Variants in PCDHGA8 observed in about 807,000 individuals in gnomAD.
PCDHGA8 encodes protocadherin gamma-A8.
Under a neutral mutation model 59.2 loss-of-function variants are expected in PCDHGA8, and 45 were observed. The ratio of observed to expected loss-of-function variants is 0.76; its 90% CI spans 0.60 to 0.98. PCDHGA8 has a LOEUF of 0.98. PCDHGA8 is among the 50% of genes least tolerant of loss of function. The probability of loss-of-function intolerance (pLI) is 0.00; values close to 1 mark genes in which losing one functional copy is unlikely to be tolerated. For synonymous variants in PCDHGA8, 531 were observed against 519.0 expected (o/e 1.02, Z -0.32); for missense variants, 1,257 against 1,196.2 (o/e 1.05, Z -0.75).
chr5:141,427,704 G>C (rs2097059746), intron 1 of PCDHGA8: 2 of 966,116 alleles, frequency 2.1e-6, no homozygotes, highest in Non-Finnish European at 3.2e-6. Context: ...ACAAGTCAGC[G>C]CCTCTGACCT....
rs1036344847 is a variant in PCDHGA8 at position 141,424,050 on chromosome 5, C to G, written c.2424+28813C>G. 9.9e-6 allele frequency: 10 copies of G among 1,014,084 alleles called. No homozygotes were observed. The African/African-American group carries it at 1.6e-4, about 16-fold the overall frequency. The allele number at this position is 1,014,084 out of a possible 1,614,324, so 62.8% of individuals were successfully genotyped here. A position where few individuals can be genotyped will look rare whatever the true frequency, so the allele number is the denominator to read the frequency against. ...ACTTTTTATTTCCATTTCAATTTTG[C>G]TGTGCCTTCACTGATTTGTAGTTAT... On this transcript the variant is annotated intron_variant, in intron 1 of 3. Coordinates refer to ENST00000398604, the MANE Select transcript of PCDHGA8 (RefSeq NM_032088.2).
chr5:141,471,214 A>C (rs757487718), intron 1 of PCDHGA8: 2 of 149,606 alleles, frequency 1.3e-5, no homozygotes, highest in Non-Finnish European at 3.0e-5. Context: ...CATGCCTGGC[A>C]ATTTTTTTGT....
chr5:141,496,146 G>T (rs749790409), intron 2 of PCDHGA8, among the ~76,000 whole-genome samples: 1 of 151,170 alleles, frequency 6.6e-6, no homozygotes, highest in South Asian at 2.1e-4. Flanking sequence ...GCCTTTGATC[G>T]CAGCTCTCCA....
chr5:141,430,763 A>C, intron 1 of PCDHGA8: 1 of 1,506,248 alleles, frequency 6.6e-7, no homozygotes, highest in Non-Finnish European at 8.9e-7. Flanking sequence ...GATAAGAATG[A>C]TTCCTGCGCG....
chr5:141,404,579 A>G (rs1390358900), intron 1 of PCDHGA8: 1 of 1,614,002 alleles, frequency 6.2e-7, no homozygotes, highest in Non-Finnish European at 8.5e-7. Flanking sequence ...CCCACCACTT[A>G]GCAGCAATGT....
chr5:141,400,175 A>G (rs374505357), intron 1 of PCDHGA8: 1 of 1,613,918 alleles, frequency 6.2e-7, no homozygotes, highest in Non-Finnish European at 8.5e-7. Flanking sequence ...CCCCAGGCTG[A>G]GCTGCAGTTT....
At chr5:141,452,951 G>A (rs1397204185) in intron 1 of PCDHGA8, among the ~76,000 whole-genome samples, 1 of 152,154 alleles carries the variant, frequency 6.6e-6, no homozygotes, top group Admixed American at 6.6e-5. Context: ...GCAATTGGTT[G>A]TCTTTAAACT....
At chr5:141,401,548 G>T (rs1291544476) in intron 1 of PCDHGA8, among the ~76,000 whole-genome samples, 1 of 152,162 alleles carries the variant, frequency 6.6e-6, no homozygotes, top group Non-Finnish European at 1.5e-5. Context: ...AAAAGGAAAT[G>T]CTATTGCCTG....
chr5:141,478,576 G>C (rs543160289), intron 1 of PCDHGA8: 3 of 1,585,598 alleles, frequency 1.9e-6, no homozygotes, highest in Middle Eastern at 3.3e-4. Flanking sequence ...GCTTGACCCT[G>C]TTAGTGCTTT....
chr5:141,423,169 C>T (rs747206648), intron 1 of PCDHGA8: 4 of 1,613,460 alleles, frequency 2.5e-6, no homozygotes, highest in Admixed American at 3.3e-5. Flanking sequence ...GGTGGCCGTC[C>T]AGGACCACGG....
At chr5:141,408,205 G>A (rs1222360149) in intron 1 of PCDHGA8, 2 of 1,551,762 alleles carry the variant, frequency 1.3e-6, no homozygotes, top group Non-Finnish European at 1.7e-6. Context: ...AGCGAACGAT[G>A]GGAGGGAGCT....
chr5:141,401,458 A>T (rs1470076616), intron 1 of PCDHGA8, among the ~76,000 whole-genome samples: 1 of 152,186 alleles, frequency 6.6e-6, no homozygotes, highest in Non-Finnish European at 1.5e-5. Context: ...CATCCAAATA[A>T]TTTTCTAAGT....
intron 3 of PCDHGA8, among the ~76,000 whole-genome samples, 153 bp from the exon 4 acceptor site, chr5:141,510,790 GAAGA>G (rs982513431): frequency 6.6e-5 from 10 of 152,264 alleles, no homozygotes; most frequent in African/African-American, 2.4e-4. Context: ...CAACTCTTGT[GAAGA>G]GAGACTACCT....
chr5:141,489,084 C>A lies in PCDHGA8; in HGVS notation c.2425-5723C>A. On this transcript the variant is annotated intron_variant, in intron 1 of 3. Coordinates refer to ENST00000398604, the MANE Select transcript of PCDHGA8 (RefSeq NM_032088.2). The surrounding 1 kb of genome is among the most constrained non-coding windows in gnomAD (Gnocchi z 4.5). Reference sequence around the variant, plus strand: ...CTCCCCCCTGCCCACCCCCGCCACTCGGTGACTAAGAACTGCTGCAAGCAG... The same window carrying A: ...CTCCCCCCTGCCCACCCCCGCCACTAGGTGACTAAGAACTGCTGCAAGCAG... The A allele has an allele frequency of 9.1e-6, 3 of 329,124 alleles. No homozygotes were observed. The highest frequency in any genetic ancestry group is 1.1e-5 in the Non-Finnish European group (2 of 186,464). The allele number at this position is 329,124 out of a possible 1,614,324, so 20.4% of individuals were successfully genotyped here. A position where few individuals can be genotyped will look rare whatever the true frequency, so the allele number is the denominator to read the frequency against.
rs534845593 is a variant in PCDHGA8, at chr5:141,478,216, G to A, written c.2425-16591G>A. On this transcript the variant is annotated intron_variant, in intron 1 of 3. Coordinates refer to ENST00000398604, the MANE Select transcript of PCDHGA8 (RefSeq NM_032088.2). ...TTTATCTACTTCTTTCTCTAATCCTGGTTTCTGTGGGGTTTGTGGTCACAG... is the reference window on the plus strand; with the variant it reads ...TTTATCTACTTCTTTCTCTAATCCTAGTTTCTGTGGGGTTTGTGGTCACAG... 414 of 1,614,090 alleles carry A rather than the reference G, an allele frequency of 2.6e-4. 9 individuals carry two copies. In the South Asian group the frequency reaches 4.4e-3, roughly 17 times the overall value.
chr5:141,409,304 C>T, intron 1 of PCDHGA8: 2 of 1,613,954 alleles, frequency 1.2e-6, no homozygotes, highest in Non-Finnish European at 1.7e-6. Flanking sequence ...GGTTGTTGCC[C>T]TCTTCAAAAC....
At chr5:141,458,080 C>T (rs62379190) in intron 1 of PCDHGA8, among the ~76,000 whole-genome samples, 5,138 of 152,230 alleles carry the variant, frequency 0.034, 100 homozygotes, top group Middle Eastern at 0.088. Flanking sequence ...ACTATATTGC[C>T]GTAAGTTAAG....
chr5:141,503,164 C>G (rs1262310388), intron 2 of PCDHGA8, among the ~76,000 whole-genome samples: 2 of 152,068 alleles, frequency 1.3e-5, no homozygotes, highest in East Asian at 3.9e-4. Flanking sequence ...ATCACAATTG[C>G]AATTACTCTA....
At chr5:141,492,449 T>C (rs1045043841) in intron 1 of PCDHGA8, among the ~76,000 whole-genome samples, 50 of 152,314 alleles carry the variant, frequency 3.3e-4, no homozygotes, top group African/African-American at 1.2e-3. Flanking sequence ...TAGCTGATTG[T>C]GCGCGCCTGA....
Sources: allele counts gnomAD v4.1 joint callset (sites outside exome capture counted in the v4.1 genomes callset), GRCh38; gene constraint gnomAD v4.1.1; non-coding constraint Gnocchi (gnomAD v3.1); transcripts MANE v1.5; gene names NCBI Gene and HGNC (gene_info 2026-07-23, HGNC 2026-07-21).